The following BORCS5 variants were observed in gnomAD, a reference collection of about 807,000 sequenced individuals.
The protein encoded by BORCS5 is BLOC-1 related complex subunit 5.
BORCS5 carries 17 observed loss-of-function variants against 22.1 expected under a neutral mutation model. The ratio of observed to expected loss-of-function variants is 0.77; its 90% CI spans 0.53 to 1.15. BORCS5 has a LOEUF of 1.15. Among genes scored for constraint, BORCS5 ranks in the 50% most tolerant of loss-of-function variants. The probability of loss-of-function intolerance (pLI) is 0.00; values close to 1 mark genes in which losing one functional copy is unlikely to be tolerated. For synonymous variants in BORCS5, 117 were observed against 99.8 expected, an observed-to-expected ratio of 1.17 and a Z score of -1.03; for missense variants, 247 against 253.2, an observed-to-expected ratio of 0.98 and a Z score of 0.17.
chr12:12,381,820 T>C lies in BORCS5; in HGVS notation c.202+20471T>C, dbSNP rs74758649. On this transcript the variant is annotated intron_variant, in intron 2 of 3. Coordinates refer to ENST00000314565, the MANE Select transcript of BORCS5 (RefSeq NM_058169.6). ...GGTTGATAGTGTTTTTTGAGTTTTG[T>C]ATATTCTTACTGATTTTGTCTTTAG... Among the ~76,000 whole-genome samples, 950 of 151,636 alleles carry C rather than the reference T, an allele frequency of 6.3e-3. 26 individuals are homozygous for C. The highest frequency in any genetic ancestry group is 9.7e-3 in the Non-Finnish European group (660 of 67,726).
At chr12:12,447,611 G>C (rs1942815782) in intron 3 of BORCS5, among the ~76,000 whole-genome samples, 2 of 152,134 alleles carry the variant, frequency 1.3e-5, no homozygotes, top group Non-Finnish European at 2.9e-5. Context: ...GCGGTATCTT[G>C]GTTCTTTCTT....
intron 3 of BORCS5, among the ~76,000 whole-genome samples, chr12:12,463,559 C>T (rs910542071): frequency 2.6e-5 from 4 of 152,246 alleles, no homozygotes; most frequent in Admixed American, 6.5e-5. Context: ...TTCAAAGTCA[C>T]GCAAACTCAA....
chr12:12,464,250 C>G (rs1943160543), intron 3 of BORCS5, among the ~76,000 whole-genome samples: 2 of 151,996 alleles, frequency 1.3e-5, no homozygotes, highest in South Asian at 4.1e-4. Flanking sequence ...ACTAGCTGCT[C>G]CTCCTGCCCT....
intron 2 of BORCS5, among the ~76,000 whole-genome samples, chr12:12,373,691 C>G (rs988256879): frequency 2.0e-5 from 3 of 152,136 alleles, no homozygotes; most frequent in Non-Finnish European, 2.9e-5. Context: ...TAAGCACCTG[C>G]TAAGTGCCTG....
chr12:12,403,970 A>G (rs1412824686), intron 2 of BORCS5, among the ~76,000 whole-genome samples: 1 of 152,200 alleles, frequency 6.6e-6, no homozygotes, highest in Non-Finnish European at 1.5e-5. Flanking sequence ...TTTATCTTGT[A>G]GTTCCGTATA....
At chr12:12,433,276 T>C (rs1338391840) in intron 2 of BORCS5, among the ~76,000 whole-genome samples, 1 of 132,178 alleles carries the variant, frequency 7.6e-6, no homozygotes, top group African/African-American at 3.0e-5. Flanking sequence ...GCTGAGGAGA[T>C]CATTCCACTG....
intron 3 of BORCS5, among the ~76,000 whole-genome samples, chr12:12,458,430 T>C (rs997321183): frequency 6.6e-6 from 1 of 152,216 alleles, no homozygotes; most frequent in African/African-American, 2.4e-5. Context: ...GATATATTCA[T>C]TCTGGATGTA....
intron 2 of BORCS5, among the ~76,000 whole-genome samples, chr12:12,431,844 C>A (rs1030878281): frequency 3.3e-5 from 5 of 151,942 alleles, no homozygotes; most frequent in African/African-American, 4.8e-5. Context: ...CAGGTGCATG[C>A]CACCACACCC....
intron 2 of BORCS5, among the ~76,000 whole-genome samples, chr12:12,380,693 A>C (rs184046342): frequency 1.5e-4 from 22 of 151,504 alleles, no homozygotes; most frequent in African/African-American, 5.3e-4. Context: ...AAACTGCCAA[A>C]CTTTTTTCAA....
intron 2 of BORCS5, among the ~76,000 whole-genome samples, chr12:12,396,485 G>A (rs1050242037): frequency 4.6e-5 from 7 of 152,192 alleles, no homozygotes; most frequent in Non-Finnish European, 8.8e-5. Flanking sequence ...GGAGGGGCAG[G>A]TGTCTTCCAA....
chr12:12,447,886 G>A (rs886832172), intron 3 of BORCS5, among the ~76,000 whole-genome samples: 1 of 152,170 alleles, frequency 6.6e-6, no homozygotes, highest in Non-Finnish European at 1.5e-5. Context: ...GGTTAGTGGC[G>A]TGGCTTGGAG....
At chr12:12,378,533 A>AAAACAAAC (rs750654221) in intron 2 of BORCS5, among the ~76,000 whole-genome samples, 1 of 151,782 alleles carries the variant, frequency 6.6e-6, no homozygotes, top group Non-Finnish European at 1.5e-5. Context: ...GACATGCTAC[A>AAAACAAAC]AAATAACTAA....
chr12:12,401,126 T>G (rs1396160189), intron 2 of BORCS5, among the ~76,000 whole-genome samples: 1 of 152,250 alleles, frequency 6.6e-6, no homozygotes, highest in African/African-American at 2.4e-5. Flanking sequence ...TCTTTGTACA[T>G]GTCTCCTTTT....
chr12:12,438,752 C>G lies in BORCS5; in HGVS notation c.360+2967C>G, dbSNP rs557170815. 4.6e-5 allele frequency among the ~76,000 whole-genome samples: 7 copies of G among 152,322 alleles called. No homozygotes were observed. In the South Asian group the frequency reaches 1.4e-3, roughly 32 times the overall value. On this transcript the variant is annotated intron_variant, in intron 3 of 3. Coordinates refer to ENST00000314565, the MANE Select transcript of BORCS5 (RefSeq NM_058169.6). ...CTCCTGTTTTATCCATATCCCCACT[C>G]CCTGCCACCCTCAACTGTATATTTT...
intron 3 of BORCS5, among the ~76,000 whole-genome samples, chr12:12,439,001 C>T (rs1942624539): frequency 6.6e-6 from 1 of 152,172 alleles, no homozygotes; most frequent in African/African-American, 2.4e-5. Context: ...AGGAAATTAG[C>T]TTGGTACAAT....
intron 2 of BORCS5, among the ~76,000 whole-genome samples, chr12:12,431,264 A>G (rs903125935): frequency 6.6e-6 from 1 of 152,186 alleles, no homozygotes; most frequent in Non-Finnish European, 1.5e-5. Context: ...CAGGTGAAAA[A>G]TGGGCTTGTG....
At chr12:12,419,687 C>G (rs61543155) in intron 2 of BORCS5, among the ~76,000 whole-genome samples, 6 of 151,972 alleles carry the variant, frequency 3.9e-5, no homozygotes, top group African/African-American at 1.2e-4. Flanking sequence ...CCTGTTTCTC[C>G]GCATCCTCTC....
chr12:12,415,037 C>G (rs1027561741), intron 2 of BORCS5, among the ~76,000 whole-genome samples: 2 of 143,320 alleles, frequency 1.4e-5, no homozygotes, highest in African/African-American at 2.6e-5. Flanking sequence ...GGATGGCGGC[C>G]GGGCGGAGAC....
intron 2 of BORCS5, among the ~76,000 whole-genome samples, chr12:12,384,145 G>C (rs1246531759): frequency 1.3e-5 from 2 of 151,734 alleles, no homozygotes; most frequent in African/African-American, 4.8e-5. Context: ...ATGTATGTAT[G>C]TATTTGTTTG....
Sources: gnomAD v4.1 joint callset for allele counts (sites outside exome capture counted in the v4.1 genomes callset) on GRCh38, gnomAD v4.1.1 for gene constraint, MANE v1.5 for transcripts, NCBI Gene and HGNC (gene_info 2026-07-23, HGNC 2026-07-21) for gene names.